Variants in C1orf21 observed in about 807,000 individuals in gnomAD.
The protein encoded by C1orf21 is uncharacterized protein C1orf21.
A neutral mutation model predicts 18.7 loss-of-function variants in C1orf21; 3 were observed. The ratio of observed to expected loss-of-function variants is 0.16; its 90% confidence interval spans 0.07 to 0.42. The LOEUF (loss-of-function observed/expected upper bound fraction) is 0.42, where lower values mean the gene tolerates loss of function less well. C1orf21 is among the 10% of genes least tolerant of loss of function. The pLI is 0.99. For missense variants in C1orf21, 104 were observed against 143.6 expected (o/e 0.72, Z 1.41); for synonymous variants, 41 against 46.4 (o/e 0.88, Z 0.47).
At chr1:184,555,146 A>G (rs1213469344) in intron 3 of C1orf21, among the ~76,000 whole-genome samples, 1 of 152,216 alleles carries the variant, frequency 6.6e-6, no homozygotes, top group Non-Finnish European at 1.5e-5. Context: ...AGCACCTAGA[A>G]CAATATCTAG....
intron 2 of C1orf21, among the ~76,000 whole-genome samples, chr1:184,505,322 TATATATATATATATATATACAC>T (rs1557989036): frequency 1.5e-5 from 2 of 131,606 alleles, no homozygotes; most frequent in Non-Finnish European, 1.5e-5. Context: ...TATATATATA[TATATATATATATATATATACAC>T]ACATGCCATA....
intron 3 of C1orf21, among the ~76,000 whole-genome samples, chr1:184,583,019 A>C (rs1659298364): frequency 6.6e-6 from 1 of 152,098 alleles, no homozygotes; most frequent in South Asian, 2.1e-4. Context: ...TTGTATTTTT[A>C]GTAGAGGAGG....
intron 3 of C1orf21, among the ~76,000 whole-genome samples, chr1:184,556,466 G>A (rs1342343007): frequency 1.3e-5 from 2 of 152,146 alleles, no homozygotes; most frequent in Non-Finnish European, 1.5e-5. Flanking sequence ...CAGAGGCCAG[G>A]CCAAGCCAAA....
intron 3 of C1orf21, among the ~76,000 whole-genome samples, chr1:184,577,947 G>GTTTTGTTTTT (rs1571285782): frequency 3.9e-4 from 34 of 86,704 alleles, no homozygotes; most frequent in African/African-American, 8.8e-4. Flanking sequence ...TTTTTGTTTT[G>GTTTTGTTTTT]TTTTTGTTTT....
At chr1:184,436,263 A>G (rs1245334493) in intron 1 of C1orf21, among the ~76,000 whole-genome samples, 1 of 152,128 alleles carries the variant, frequency 6.6e-6, no homozygotes, top group Non-Finnish European at 1.5e-5. Context: ...CGACATTATT[A>G]TTGGGGCGAT....
intron 3 of C1orf21, among the ~76,000 whole-genome samples, chr1:184,512,752 A>G (rs190222199): frequency 7.9e-5 from 12 of 152,334 alleles, no homozygotes; most frequent in East Asian, 5.8e-4. Flanking sequence ...AACCTGGAGA[A>G]TCACAGAATT....
rs534072380 is a variant in C1orf21, at chr1:184,557,066, C to T, written c.190-33673C>T. 5.9e-5 allele frequency among the ~76,000 whole-genome samples: 9 copies of T among 152,210 alleles called. No individual in the cohort carries two copies. The East Asian group carries it at 1.5e-3, about 26-fold the overall frequency. On this transcript the variant is annotated intron_variant, in intron 3 of 5. Transcript: ENST00000235307. ...GTCAACTCGTGAATTATTGCTGATTCGTTTGCATGTGTGTGAGCTGCTCTC... is the reference window on the plus strand; with the variant it reads ...GTCAACTCGTGAATTATTGCTGATTTGTTTGCATGTGTGTGAGCTGCTCTC...
chr1:184,424,618 G>A (rs968504098), intron 1 of C1orf21, among the ~76,000 whole-genome samples: 4 of 152,166 alleles, frequency 2.6e-5, no homozygotes, highest in African/African-American at 7.2e-5. Context: ...GAATGTGCCC[G>A]GCTCCATAAG....
At chr1:184,574,512 T>C (rs1009096620) in intron 3 of C1orf21, among the ~76,000 whole-genome samples, 1 of 152,230 alleles carries the variant, frequency 6.6e-6, no homozygotes, top group African/African-American at 2.4e-5. Flanking sequence ...GAGGATCTCA[T>C]TGGAAAGACA....
At chr1:184,470,782 G>A (rs1485012526) in intron 1 of C1orf21, among the ~76,000 whole-genome samples, 2 of 152,098 alleles carry the variant, frequency 1.3e-5, no homozygotes, top group Non-Finnish European at 2.9e-5. Flanking sequence ...GGGAGGCTGA[G>A]GCAGGAGAAT....
At chr1:184,580,272 C>T (rs1484411445) in intron 3 of C1orf21, among the ~76,000 whole-genome samples, 1 of 152,166 alleles carries the variant, frequency 6.6e-6, no homozygotes, top group Non-Finnish European at 1.5e-5. Flanking sequence ...TCTCCTGTTA[C>T]AATCCTTTGA....
At chr1:184,521,750 AAAT>A (rs1658309179) in intron 3 of C1orf21, among the ~76,000 whole-genome samples, 1 of 152,206 alleles carries the variant, frequency 6.6e-6, no homozygotes, top group Non-Finnish European at 1.5e-5. Context: ...TAACGTACAT[AAAT>A]TAAAAACACA....
intron 5 of C1orf21, among the ~76,000 whole-genome samples, chr1:184,601,765 G>A (rs1032734714): frequency 6.6e-6 from 1 of 152,120 alleles, no homozygotes; most frequent in Non-Finnish European, 1.5e-5. Flanking sequence ...GCCGGGCGTG[G>A]TGGCACACGC....
chr1:184,519,821 C>A (rs1242739164), intron 3 of C1orf21, among the ~76,000 whole-genome samples: 2 of 152,190 alleles, frequency 1.3e-5, no homozygotes, highest in Non-Finnish European at 2.9e-5. Flanking sequence ...GTAAGCATCT[C>A]TTCCTGTCGA....
chr1:184,562,121 G>A (rs1658975936), intron 3 of C1orf21, among the ~76,000 whole-genome samples: 1 of 151,996 alleles, frequency 6.6e-6, no homozygotes, highest in South Asian at 2.1e-4. Flanking sequence ...CAAACTAAAT[G>A]GTTCTAGAAA....
rs1233546431 is a variant in C1orf21, at chr1:184,621,317, G to A, written c.*1761G>A. 6.6e-6 allele frequency: 1 copy of A among 152,580 alleles called. No individual in the cohort carries two copies. The highest frequency in any genetic ancestry group is 2.4e-5 in the African/African-American group (1 of 41,430). 9.5% of individuals were successfully genotyped at this position (152,580 alleles called of 1,614,324 possible). A position where few individuals can be genotyped will look rare whatever the true frequency, so the allele number is the denominator to read the frequency against. ...TTTTGGCCAACAGCAGCTATTTTGG[G>A]GAGCAGCTGTGGCTGTTACATAAAT... On this transcript the variant is annotated 3_prime_UTR_variant, in exon 6 of 6. Transcript: ENST00000235307.
chr1:184,544,587 A>G (rs935393762), intron 3 of C1orf21, among the ~76,000 whole-genome samples: 1 of 152,228 alleles, frequency 6.6e-6, no homozygotes, highest in Non-Finnish European at 1.5e-5. Context: ...TGCATATACC[A>G]TTGATCTACG....
intron 1 of C1orf21, among the ~76,000 whole-genome samples, chr1:184,397,070 C>T (rs996244622): frequency 3.9e-5 from 6 of 152,012 alleles, no homozygotes; most frequent in East Asian, 1.9e-4. Flanking sequence ...AGGGAACCCC[C>T]GTGTTTCAGA....
At chr1:184,560,024 T>C (rs890217426) in intron 3 of C1orf21, among the ~76,000 whole-genome samples, 2 of 152,048 alleles carry the variant, frequency 1.3e-5, no homozygotes, top group African/African-American at 4.8e-5. Flanking sequence ...AGTGCTGGGA[T>C]TACAGATGTG....
Sources: gnomAD v4.1 joint callset for allele counts (sites outside exome capture counted in the v4.1 genomes callset) on GRCh38, gnomAD v4.1.1 for gene constraint, MANE v1.5 for transcripts, NCBI Gene and HGNC (gene_info 2026-07-23, HGNC 2026-07-21) for gene names.